The following PPP2R2A variants were observed in gnomAD, a reference collection of about 807,000 sequenced individuals.
PPP2R2A encodes the protein protein phosphatase 2 regulatory subunit Balpha.
PPP2R2A carries 9 observed loss-of-function variants against 53.2 expected under a neutral mutation model. The ratio of observed to expected loss-of-function variants is 0.17; its 90% CI spans 0.10 to 0.30. The LOEUF is 0.30. Among genes scored for constraint, PPP2R2A ranks in the 10% least tolerant of loss-of-function variants. PPP2R2A has a pLI of 1.00. For missense variants in PPP2R2A, 235 were observed against 534.6 expected (o/e 0.44, Z 5.53); for synonymous variants, 169 against 174.2 (o/e 0.97, Z 0.23).
chr8:26,310,297 A>C (rs1201256785), intron 2 of PPP2R2A, among the ~76,000 whole-genome samples: 4 of 39,086 alleles, frequency 1.0e-4, no homozygotes, highest in African/African-American at 2.9e-4. Context: ...AAAAAAAAAA[A>C]AACACAGTGT....
Position 26,362,736 on chromosome 8 carries a change from A to T in PPP2R2A, c.690A>T (p.Thr230=). ...TGGAAGAGCTAACAGAGGTGATTACAGCAGCAGAATTTCATCCAAACAGCT... is the reference window on the plus strand; with the variant it reads ...TGGAAGAGCTAACAGAGGTGATTACTGCAGCAGAATTTCATCCAAACAGCT... ...ANMEELTEVI[T]AAEFHPNSCN... Residue 230 remains threonine, a synonymous_variant, in exon 7 of 10, where the codon ACA becomes ACT. Coordinates refer to ENST00000380737, the MANE Select transcript of PPP2R2A (RefSeq NM_002717.4). This position sits in a 1 kb window ranked among gnomAD's most constrained non-coding sequence, Gnocchi z 4.4. 1 of 1,614,130 alleles carries T rather than the reference A, an allele frequency of 6.2e-7. No individual in the cohort carries two copies. Among genetic ancestry groups the T allele is most frequent in the Non-Finnish European group, 8.5e-7 (1 of 1,179,972 alleles).
intron 1 of PPP2R2A, 110 bp downstream of exon 1, chr8:26,291,936 C>G: frequency 1.3e-6 from 1 of 767,362 alleles, no homozygotes; most frequent in Non-Finnish European, 1.9e-6. Context: ...GGGCGCCCCT[C>G]GGGTTTGAGG....
chr8:26,354,755 A>G lies in PPP2R2A; in HGVS notation c.346+122A>G. ...AAAAAGGACTTTTGTTTTTCTATACAGAATGTAAACTCTACTTTTTTACTG... is the reference window on the plus strand; with the variant it reads ...AAAAAGGACTTTTGTTTTTCTATACGGAATGTAAACTCTACTTTTTTACTG... On this transcript the variant is annotated intron_variant, in intron 4 of 9. Coordinates refer to ENST00000380737, the MANE Select transcript of PPP2R2A (RefSeq NM_002717.4). This position sits in a 1 kb window ranked among gnomAD's most constrained non-coding sequence, Gnocchi z 4.6. 1 of 953,562 alleles carries G rather than the reference A, an allele frequency of 1.0e-6. No homozygotes were observed. Among genetic ancestry groups the G allele is most frequent in the Non-Finnish European group, 1.4e-6 (1 of 706,208 alleles). The allele number at this position is 953,562 out of a possible 1,614,324, so 59.1% of individuals were successfully genotyped here.
In PPP2R2A at chr8:26,360,053, G is replaced by GTTTT; in HGVS notation, c.347-106_347-103dup. 2.3e-6 allele frequency: 1 copy of GTTTT among 428,124 alleles called. No individual in the cohort carries two copies. Among genetic ancestry groups the GTTTT allele is most frequent in the Non-Finnish European group, 4.1e-6 (1 of 242,956 alleles). 26.5% of individuals were successfully genotyped at this position (428,124 alleles called of 1,614,324 possible). A position where few individuals can be genotyped will look rare whatever the true frequency, so the allele number is the denominator to read the frequency against. ...AATTTTTTAGTAAGTTCAGATTAGG[G>GTTTT]TTTTTTTTTTTTTCGTGGAATCCTT... On this transcript the variant is annotated intron_variant, in intron 4 of 9. Transcript: ENST00000380737. This position sits in a 1 kb window ranked among gnomAD's most constrained non-coding sequence, Gnocchi z 4.5.
intron 4 of PPP2R2A, among the ~76,000 whole-genome samples, chr8:26,355,665 C>A (rs932225125): frequency 2.0e-5 from 3 of 152,038 alleles, no homozygotes; most frequent in Non-Finnish European, 4.4e-5. Context: ...GAGATTGAGA[C>A]CATCCTGGCT....
intron 9 of PPP2R2A, among the ~76,000 whole-genome samples, chr8:26,366,775 G>C (rs1218135910): frequency 6.6e-6 from 1 of 152,010 alleles, no homozygotes; most frequent in Non-Finnish European, 1.5e-5. Context: ...GAAACACCAG[G>C]TTTTCCAGAT....
chr8:26,357,435 T>A (rs1804847480), intron 4 of PPP2R2A, among the ~76,000 whole-genome samples: 3 of 152,158 alleles, frequency 2.0e-5, no homozygotes, highest in Non-Finnish European at 1.5e-5. Flanking sequence ...TGAACTGGGT[T>A]TCCCAGATCA....
rs1445545236 is a variant in PPP2R2A, at chr8:26,292,432, G to A, written c.7+606G>A. 6.1e-6 allele frequency: 6 copies of A among 985,338 alleles called. No homozygotes were observed. The African/African-American group carries it at 1.0e-4, about 17-fold the overall frequency. The allele number at this position is 985,338 out of a possible 1,614,324, so 61.0% of individuals were successfully genotyped here. A position where few individuals can be genotyped will look rare whatever the true frequency, so the allele number is the denominator to read the frequency against. On this transcript the variant is annotated intron_variant, in intron 1 of 9. Transcript: ENST00000380737. ...TCCCTTTTACCGCCGAAGAGTGCAA[G>A]GCCTTTCATGTACAGCAAGTTGCAT...
At chr8:26,353,965 T>TGAAA (rs1804646752) in intron 3 of PPP2R2A, among the ~76,000 whole-genome samples, 1 of 152,058 alleles carries the variant, frequency 6.6e-6, no homozygotes, top group African/African-American at 2.4e-5. Context: ...TTTTTAAGCT[T>TGAAA]TCAGCAGCGA....
intron 2 of PPP2R2A, among the ~76,000 whole-genome samples, chr8:26,325,637 A>G (rs376193032): frequency 1.3e-5 from 2 of 152,250 alleles, no homozygotes; most frequent in African/African-American, 2.4e-5. Context: ...AGCTGTCCAC[A>G]CTTTATCAAT....
At chr8:26,305,639 T>TCCATTTTATTGAAATA in intron 2 of PPP2R2A, among the ~76,000 whole-genome samples, 1 of 152,276 alleles carries the variant, frequency 6.6e-6, no homozygotes, top group African/African-American at 2.4e-5. Context: ...TCATTTTAGG[T>TCCATTTTATTGAAATA]ACATGGAGGT....
chr8:26,308,708 T>C (rs1802134659), intron 2 of PPP2R2A, among the ~76,000 whole-genome samples: 1 of 152,238 alleles, frequency 6.6e-6, no homozygotes, highest in African/African-American at 2.4e-5. Context: ...TTTCAGACTC[T>C]TGTCAATGTT....
intron 8 of PPP2R2A, 78 bp from the exon 9 acceptor site, chr8:26,366,237 T>C: frequency 8.5e-7 from 1 of 1,173,646 alleles, no homozygotes; most frequent in Non-Finnish European, 1.2e-6. Context: ...GTATATGCCC[T>C]TTTTTTCTTT....
chr8:26,356,659 T>C (rs1804796913), intron 4 of PPP2R2A, among the ~76,000 whole-genome samples: 1 of 152,254 alleles, frequency 6.6e-6, no homozygotes, highest in African/African-American at 2.4e-5. Context: ...TTTCTACTTT[T>C]AGAAGTAAAT....
At chr8:26,340,835 T>C (rs1341475981) in intron 3 of PPP2R2A, among the ~76,000 whole-genome samples, 5 of 152,116 alleles carry the variant, frequency 3.3e-5, no homozygotes, top group East Asian at 1.9e-4. Flanking sequence ...TGTAATTAAA[T>C]TCCAAATTTA....
chr8:26,320,867 A>AC (rs1318810348), intron 2 of PPP2R2A, among the ~76,000 whole-genome samples: 1 of 152,238 alleles, frequency 6.6e-6, no homozygotes, highest in African/African-American at 2.4e-5. Context: ...ATGGCTAGGA[A>AC]CACCAGCAAG....
In PPP2R2A at chr8:26,363,893, A is replaced by AT. The variant is rs35175659; in HGVS notation, c.972+6dup. ...ACAGGCCTGTGGAAACATACCAGGT[A>AT]TTTGAGTTTTTTCTTTCAATGAGCA... is the stretch of plus-strand genomic sequence containing the variant. On this transcript the variant is annotated splice_donor_region_variant and intron_variant, in intron 8 of 9. Transcript: ENST00000380737. The AT allele has an allele frequency of 1.3e-6, 2 of 1,576,676 alleles. No individual in the cohort carries two copies. Among genetic ancestry groups the AT allele is most frequent in the Admixed American group, 1.8e-5 (1 of 56,682 alleles).
In PPP2R2A at chr8:26,371,340, CTA is replaced by C. The variant is rs1345012841; in HGVS notation, c.*930_*931del. ...TAGGTTTTATTAAGGATTTCACAAT[CTA>C]TAAATGCTACTAGTTTTTTTTTTTT... is the stretch of plus-strand genomic sequence containing the variant. On this transcript the variant is annotated 3_prime_UTR_variant, in exon 10 of 10. Coordinates refer to ENST00000380737, the MANE Select transcript of PPP2R2A (RefSeq NM_002717.4). 2.8e-5 allele frequency: 4 copies of C among 145,308 alleles called. No individual in the cohort carries two copies. The highest frequency in any genetic ancestry group is 4.5e-5 in the Non-Finnish European group (3 of 66,846). The allele number at this position is 145,308 out of a possible 1,614,324, so 9.0% of individuals were successfully genotyped here.
chr8:26,356,684 GTGT>G (rs1417480856), intron 4 of PPP2R2A, among the ~76,000 whole-genome samples: 1 of 152,204 alleles, frequency 6.6e-6, no homozygotes, highest in Non-Finnish European at 1.5e-5. Context: ...CTAGGGAAAT[GTGT>G]TGTTAACATT....
Sources: gnomAD v4.1 joint callset for allele counts (sites outside exome capture counted in the v4.1 genomes callset) on GRCh38, gnomAD v4.1.1 for gene constraint, Gnocchi (gnomAD v3.1) non-coding constraint, MANE v1.5 for transcripts, NCBI Gene and HGNC (gene_info 2026-07-23, HGNC 2026-07-21) for gene names.